SH2D4A: variants seen among roughly 807,000 people sequenced by gnomAD.
SH2D4A encodes the protein SH2 domain-containing protein 4A.
SH2D4A carries 70 observed loss-of-function variants against 64.7 expected under a neutral mutation model. The observed-to-expected ratio is 1.08, with a 90% CI of 0.89 to 1.32. SH2D4A has a LOEUF of 1.32. Among genes scored for constraint, SH2D4A ranks in the 40% most tolerant of loss-of-function variants. The pLI, the probability that SH2D4A is intolerant of heterozygous loss-of-function variation, is 0.00. For missense variants in SH2D4A, 706 were observed against 540.1 expected, an observed-to-expected ratio of 1.31 and a Z score of -3.04; for synonymous variants, 268 against 200.7, an observed-to-expected ratio of 1.34 and a Z score of -2.83.
At chr8:19,381,595 A>G (rs2053294109) in intron 8 of SH2D4A, among the ~76,000 whole-genome samples, 1 of 152,226 alleles carries the variant, frequency 6.6e-6, no homozygotes, top group Non-Finnish European at 1.5e-5. Context: ...CGATTGTATC[A>G]TCTGACAACA....
intron 2 of SH2D4A, among the ~76,000 whole-genome samples, chr8:19,320,698 T>C (rs981875005): frequency 4.2e-5 from 6 of 141,330 alleles, no homozygotes; most frequent in African/African-American, 1.3e-4. Context: ...TTGTCCACCC[T>C]CCTCACTCCG....
chr8:19,368,488 A>G (rs1454861987), intron 7 of SH2D4A, among the ~76,000 whole-genome samples: 3 of 152,006 alleles, frequency 2.0e-5, no homozygotes, highest in Admixed American at 1.3e-4. Flanking sequence ...ATCCATGGAC[A>G]TGGGATGTCT....
chr8:19,393,522 A>G lies in SH2D4A; in HGVS notation c.1253A>G (p.Asp418Gly), dbSNP rs1396637606. The change falls in exon 9 of 10, where the codon GAT (aspartate) becomes GGT (glycine). Residue 418 changes from aspartate (D) to glycine (G), a missense_variant. Transcript: ENST00000265807. ...VDQLQHATLA[D>G]LVEYHKEEPI... The stretch of plus-strand genomic sequence containing the variant: ...CAGCTACAGCATGCCACCTTGGCGG[A>G]TTTGGTGGAATATCACAAGGTGAAG... 6.2e-6 allele frequency: 10 copies of G among 1,614,020 alleles called. No individual in the cohort carries two copies. Among genetic ancestry groups the G allele is most frequent in the African/African-American group, 2.7e-5 (2 of 74,924 alleles).
At chr8:19,318,287 A>G (rs1247411641) in intron 1 of SH2D4A, among the ~76,000 whole-genome samples, 3 of 150,972 alleles carry the variant, frequency 2.0e-5, no homozygotes, top group Admixed American at 6.6e-5. Flanking sequence ...TCGAATCCAA[A>G]GTCTTTTGTT....
intron 4 of SH2D4A, among the ~76,000 whole-genome samples, chr8:19,349,490 T>A (rs1310385511): frequency 6.6e-6 from 1 of 152,196 alleles, no homozygotes; most frequent in Non-Finnish European, 1.5e-5. Flanking sequence ...AACTTCATAA[T>A]GTACAGCTGC....
At chr8:19,326,596 T>C (rs1230604511) in intron 2 of SH2D4A, among the ~76,000 whole-genome samples, 1 of 152,194 alleles carries the variant, frequency 6.6e-6, no homozygotes, top group Non-Finnish European at 1.5e-5. Flanking sequence ...TTTGTGGGGA[T>C]AAAGTACATG....
At chr8:19,391,507 C>T (rs1413076043) in intron 8 of SH2D4A, among the ~76,000 whole-genome samples, 1 of 152,100 alleles carries the variant, frequency 6.6e-6, no homozygotes, top group African/African-American at 2.4e-5. Flanking sequence ...AGGAGCAAGG[C>T]CCTGGTCTGT....
At chr8:19,342,560 C>G (rs1563192708) in intron 4 of SH2D4A, among the ~76,000 whole-genome samples, 1 of 152,180 alleles carries the variant, frequency 6.6e-6, no homozygotes, top group Non-Finnish European at 1.5e-5. Flanking sequence ...CAACATGTTA[C>G]TTCATCCTCA....
chr8:19,357,168 C>G, intron 4 of SH2D4A, 35 bp from the exon 5 acceptor site: 1 of 1,522,870 alleles, frequency 6.6e-7, no homozygotes, highest in Non-Finnish European at 9.1e-7. Context: ...CACTGCAGCT[C>G]CAAATGCCAT....
At chr8:19,331,570 C>T (rs1277957937) in intron 2 of SH2D4A, among the ~76,000 whole-genome samples, 2 of 152,194 alleles carry the variant, frequency 1.3e-5, no homozygotes, top group African/African-American at 4.8e-5. Context: ...CAATTGTAAA[C>T]AAGGGTTATT....
chr8:19,340,607 T>C (rs1387410920), intron 4 of SH2D4A, among the ~76,000 whole-genome samples: 25 of 145,216 alleles, frequency 1.7e-4, no homozygotes, highest in African/African-American at 4.1e-4. Context: ...CTTTCTTTTT[T>C]TTTTTTTTTT....
At chr8:19,335,301 A>G (rs931240887) in intron 4 of SH2D4A, among the ~76,000 whole-genome samples, 1 of 152,040 alleles carries the variant, frequency 6.6e-6, no homozygotes, top group Non-Finnish European at 1.5e-5. Flanking sequence ...ATCTCAAAAA[A>G]AAAAAGATCC....
chr8:19,329,216 G>A (rs989999365), intron 2 of SH2D4A, among the ~76,000 whole-genome samples: 1 of 152,146 alleles, frequency 6.6e-6, no homozygotes. Context: ...CAAAGAACTT[G>A]TCGTATTTCT....
chr8:19,376,992 TACA>T (rs1361823964), intron 8 of SH2D4A, among the ~76,000 whole-genome samples: 5 of 152,136 alleles, frequency 3.3e-5, no homozygotes, highest in Non-Finnish European at 7.4e-5. Context: ...CCAAGAAAAA[TACA>T]ACACCAGTGA....
intron 4 of SH2D4A, among the ~76,000 whole-genome samples, chr8:19,337,020 A>G (rs1038434127): frequency 1.2e-4 from 18 of 152,224 alleles, no homozygotes; most frequent in Non-Finnish European, 2.2e-4. Flanking sequence ...TAAATATTAT[A>G]TTGAGAGTGG....
chr8:19,360,295 GTTTT>G (rs573228137), intron 5 of SH2D4A, among the ~76,000 whole-genome samples: 1 of 135,234 alleles, frequency 7.4e-6, no homozygotes, highest in Non-Finnish European at 1.6e-5. Context: ...ATATTTTTCT[GTTTT>G]TTTTTTTTTT....
intron 8 of SH2D4A, among the ~76,000 whole-genome samples, chr8:19,390,226 C>A (rs532460662): frequency 6.6e-6 from 1 of 152,224 alleles, no homozygotes; most frequent in Non-Finnish European, 1.5e-5. Context: ...GCTAAAAATA[C>A]AAAAATTAGC....
intron 4 of SH2D4A, among the ~76,000 whole-genome samples, chr8:19,337,079 TGGG>T (rs2052456581): frequency 6.6e-6 from 1 of 152,090 alleles, no homozygotes; most frequent in Admixed American, 6.6e-5. Context: ...TGGAAAGAGA[TGGG>T]GGCAGGGGAG....
chr8:19,364,041 A>T, intron 6 of SH2D4A, 31 bp from the exon 7 acceptor site: 1 of 1,610,420 alleles, frequency 6.2e-7, no homozygotes, highest in Non-Finnish European at 8.5e-7. Context: ...TGGGCTGATG[A>T]GGGTTTTCTC....
Sources: gnomAD v4.1 joint callset for allele counts (sites outside exome capture counted in the v4.1 genomes callset) on GRCh38, gnomAD v4.1.1 for gene constraint, MANE v1.5 for transcripts, NCBI Gene and HGNC (gene_info 2026-07-23, HGNC 2026-07-21) for gene names.